The following KIF13B variants were observed in gnomAD, a reference collection of about 807,000 sequenced individuals.
KIF13B encodes kinesin-like protein KIF13B.
In KIF13B, 127 loss-of-function variants were observed where a neutral mutation model predicts 222.0. The observed-to-expected ratio is 0.57, with a 90% CI of 0.50 to 0.66. The LOEUF (loss-of-function observed/expected upper bound fraction) is 0.66, where lower values mean the gene tolerates loss of function less well. Among genes scored for constraint, KIF13B ranks in the 30% least tolerant of loss-of-function variants. The pLI is 0.00. For missense variants in KIF13B, 2,173 were observed against 2,379.0 expected, an observed-to-expected ratio of 0.91 and a Z score of 1.80; for synonymous variants, 976 against 919.0, an observed-to-expected ratio of 1.06 and a Z score of -1.12.
intron 2 of KIF13B, among the ~76,000 whole-genome samples, chr8:29,216,981 CT>C (rs1253000811): frequency 6.6e-6 from 1 of 152,010 alleles, no homozygotes; most frequent in Non-Finnish European, 1.5e-5. Context: ...AAAACTTTGT[CT>C]TAAGTGCACT....
intron 6 of KIF13B, among the ~76,000 whole-genome samples, 187 bp downstream of exon 6, chr8:29,186,105 A>G (rs1004891760): frequency 9.2e-5 from 14 of 152,172 alleles, no homozygotes; most frequent in African/African-American, 4.8e-5. Flanking sequence ...TTAAAAACAA[A>G]CAAACAAACA....
At chr8:29,075,087 T>C (rs1012818813) in intron 38 of KIF13B, among the ~76,000 whole-genome samples, 194 bp downstream of exon 38, 8 of 152,202 alleles carry the variant, frequency 5.3e-5, no homozygotes, top group African/African-American at 1.9e-4. Flanking sequence ...TTAGCAATCA[T>C]ATGATTAACA....
chr8:29,213,598 C>T (rs1344470557), intron 2 of KIF13B, among the ~76,000 whole-genome samples: 3 of 152,160 alleles, frequency 2.0e-5, no homozygotes, highest in Non-Finnish European at 4.4e-5. Flanking sequence ...GACTACAAAC[C>T]TGTATGGCAT....
chr8:29,196,581 T>G (rs1813432784), intron 2 of KIF13B, among the ~76,000 whole-genome samples: 1 of 152,234 alleles, frequency 6.6e-6, no homozygotes, highest in Non-Finnish European at 1.5e-5. Flanking sequence ...TAGTTTTCTC[T>G]GCTTTGAAAA....
chr8:29,096,492 G>A (rs113761671), intron 36 of KIF13B, among the ~76,000 whole-genome samples: 1,536 of 151,376 alleles, frequency 0.01, 27 homozygotes, highest in African/African-American at 0.035. Context: ...TGGAGATGGG[G>A]TTTTGCCATG....
Position 29,134,048 on chromosome 8 carries a change from G to C in KIF13B, c.2776C>G (p.His926Asp), listed in dbSNP as rs771787654. 1.2e-6 allele frequency: 2 copies of C among 1,613,122 alleles called. No individual in the cohort carries two copies. Among genetic ancestry groups the C allele is most frequent in the Non-Finnish European group, 1.7e-6 (2 of 1,179,586 alleles). Reference sequence around the variant, plus strand: ...CTGGAAAACAAACTCACATTGCAATGATCAAAGACAACCATGCAGTGCGGC... The same window carrying C: ...CTGGAAAACAAACTCACATTGCAATCATCAAAGACAACCATGCAGTGCGGC... ...KEPHCMVVFD[H>D]CNEFSVNITE... The change falls in exon 22 of 40, where the codon CAT becomes GAT. Residue 926 changes from histidine to aspartate, a missense_variant. Physicochemically the swap from His to Asp is moderately conservative, Grantham distance 81. This residue lies in a region of KIF13B where 1,480 missense variants were observed against 1,722.8 expected (regional missense o/e 0.86). Coordinates refer to ENST00000524189, the MANE Select transcript of KIF13B (RefSeq NM_015254.4).
chr8:29,158,028 A>G (rs187438441), intron 13 of KIF13B, among the ~76,000 whole-genome samples: 2 of 152,216 alleles, frequency 1.3e-5, no homozygotes, highest in East Asian at 3.9e-4. Context: ...CTTTGAGCAC[A>G]CTGAGCCTAT....
At chr8:29,110,797 A>G (rs1248732169) in intron 32 of KIF13B, 1 of 152,236 alleles carries the variant, frequency 6.6e-6, no homozygotes, top group Admixed American at 6.5e-5. Flanking sequence ...AGTTATTTCA[A>G]GCAAAGTGGG....
At chr8:29,123,254 TC>T (rs1371681647) in intron 28 of KIF13B, 111 bp downstream of exon 28, 3 of 1,178,110 alleles carry the variant, frequency 2.5e-6, no homozygotes, top group Non-Finnish European at 2.3e-6. Flanking sequence ...AAACAACATT[TC>T]CCCCCATGCT....
At chr8:29,092,945 T>C in intron 36 of KIF13B, 67 bp from the exon 37 acceptor site, 2 of 1,381,018 alleles carry the variant, frequency 1.4e-6, no homozygotes, top group South Asian at 1.5e-5. Flanking sequence ...TTCCTGTACA[T>C]TTGACAGACA....
intron 13 of KIF13B, among the ~76,000 whole-genome samples, chr8:29,156,796 CAT>C (rs1416673516): frequency 6.6e-6 from 1 of 151,748 alleles, no homozygotes; most frequent in Non-Finnish European, 1.5e-5. Context: ...ACTGGGATGA[CAT>C]GTGTGAGCGA....
intron 3 of KIF13B, 133 bp downstream of exon 3, chr8:29,196,054 G>A: frequency 1.3e-6 from 1 of 792,992 alleles, no homozygotes; most frequent in South Asian, 1.8e-5. Context: ...AGATTTGTGA[G>A]TAGGCTGACA....
intron 2 of KIF13B, among the ~76,000 whole-genome samples, chr8:29,213,190 G>C (rs988587942): frequency 2.6e-5 from 4 of 152,070 alleles, no homozygotes; most frequent in Non-Finnish European, 5.9e-5. Flanking sequence ...CATACTTCAC[G>C]CTGCTGTGCA....
At chr8:29,262,562 C>G (rs1816718744) in intron 1 of KIF13B, among the ~76,000 whole-genome samples, 1 of 151,786 alleles carries the variant, frequency 6.6e-6, no homozygotes, top group African/African-American at 2.4e-5. Flanking sequence ...CCGAGGCGGG[C>G]TGCAGGGGCT....
At chr8:29,107,354 CCT>C (rs1809121446) in intron 35 of KIF13B, among the ~76,000 whole-genome samples, 1 of 151,730 alleles carries the variant, frequency 6.6e-6, no homozygotes, top group Non-Finnish European at 1.5e-5. Flanking sequence ...ACGGTGAAAC[CCT>C]GTCTCTAGTA....
chr8:29,185,266 C>G (rs1192707869), intron 6 of KIF13B, among the ~76,000 whole-genome samples: 4 of 152,192 alleles, frequency 2.6e-5, no homozygotes, highest in Non-Finnish European at 4.4e-5. Flanking sequence ...CAAATGTTAT[C>G]AAGCAAGTAC....
At chr8:29,086,559 A>G (rs140406818) in intron 37 of KIF13B, among the ~76,000 whole-genome samples, 3 of 152,356 alleles carry the variant, frequency 2.0e-5, no homozygotes, top group East Asian at 3.9e-4. Flanking sequence ...TGTCTCTTTC[A>G]TGACAGGTGG....
chr8:29,138,769 T>C lies in KIF13B; in HGVS notation c.2613+1294A>G, dbSNP rs147924370. On this transcript the variant is annotated intron_variant, in intron 21 of 39. Transcript: ENST00000524189. ...CAACCCAGTTTCTACAATAAATGAA[T>C]TGCAGGTGTGGTAAGAGAGGCAAAA... 1,128 of 152,300 alleles carry C rather than the reference T, an allele frequency of 7.4e-3. 8 individuals carry two copies. The highest frequency in any genetic ancestry group is 0.012 in the Non-Finnish European group (840 of 68,060). The allele number at this position is 152,300 out of a possible 1,614,324, so 9.4% of individuals were successfully genotyped here.
In KIF13B at chr8:29,180,237, T is replaced by C; in HGVS notation, c.587A>G (p.Asp196Gly). ...LSKLAVTSYKDIESLMSEGNK... is the reference protein window; with the variant it reads ...LSKLAVTSYKGIESLMSEGNK... ...ACCCTCAGACATCAACGACTCAATA[T>C]CCTAAGTGGAAACAAGTCATAGACC... The change falls in exon 8 of 40, where the codon GAT becomes GGT. Residue 196 changes from aspartate to glycine, a missense_variant and splice_region_variant. By Grantham distance (94) the Asp-to-Gly change is moderately conservative. Coordinates refer to ENST00000524189, the MANE Select transcript of KIF13B (RefSeq NM_015254.4). 6.2e-7 allele frequency: 1 copy of C among 1,613,968 alleles called. No homozygotes were observed. Among genetic ancestry groups the C allele is most frequent in the South Asian group, 1.1e-5 (1 of 91,082 alleles).
Sources: allele counts gnomAD v4.1 joint callset (sites outside exome capture counted in the v4.1 genomes callset), GRCh38; gene constraint gnomAD v4.1.1; regional missense constraint gnomAD v4.1.1; transcripts MANE v1.5; gene names NCBI Gene and HGNC (gene_info 2026-07-23, HGNC 2026-07-21).